Variants in SH3PXD2A observed in about 807,000 individuals in gnomAD.
SH3PXD2A encodes SH3 and PX domains 2A, also known as SH3 and PX domain-containing protein 2A.
Under a neutral mutation model 115.2 loss-of-function variants are expected in SH3PXD2A, and 32 were observed. The observed-to-expected ratio is 0.28, with a 90% confidence interval of 0.21 to 0.37. The LOEUF (loss-of-function observed/expected upper bound fraction) is 0.37, where lower values mean the gene tolerates loss of function less well. SH3PXD2A is among the 10% of genes least tolerant of loss of function. The pLI is 1.00. For synonymous variants in SH3PXD2A, 610 were observed against 629.1 expected (o/e 0.97, Z 0.45); for missense variants, 1,328 against 1,498.7 (o/e 0.89, Z 1.88).
At chr10:103,792,522 T>G (rs1337057528) in intron 2 of SH3PXD2A, among the ~76,000 whole-genome samples, 3 of 152,224 alleles carry the variant, frequency 2.0e-5, no homozygotes, top group Non-Finnish European at 4.4e-5. Flanking sequence ...AGGGCTTTCT[T>G]TATATGGACT....
At chr10:103,657,962 G>C (rs79825410) in intron 8 of SH3PXD2A, among the ~76,000 whole-genome samples, 4,591 of 152,348 alleles carry the variant, frequency 0.03, 79 homozygotes, top group South Asian at 0.044. Context: ...CCTCTGTTGA[G>C]GGGAGAGATC....
In SH3PXD2A at chr10:103,602,485, T is replaced by C. The variant is rs1418685027; in HGVS notation, c.2733A>G (p.Thr911=). Residue 911 remains threonine (T), a synonymous_variant, in exon 15 of 15, where the codon ACA becomes ACG. Coordinates refer to ENST00000369774, the MANE Select transcript of SH3PXD2A (RefSeq NM_001394015.1). The part of the protein sequence containing the change: ...QPDPSGKELD[T]VPAKGRQNEG... Reference sequence around the variant, plus strand: ...CGTTCTGCCTGCCCTTGGCGGGCACTGTGTCCAGCTCTTTGCCAGAGGGGT... The same window carrying C: ...CGTTCTGCCTGCCCTTGGCGGGCACCGTGTCCAGCTCTTTGCCAGAGGGGT... 11 of 1,614,182 alleles carry C rather than the reference T, an allele frequency of 6.8e-6. No homozygotes were observed. The highest frequency in any genetic ancestry group is 1.1e-5 in the South Asian group (1 of 91,088).
At chr10:103,810,358 A>G (rs1226034341) in intron 1 of SH3PXD2A, among the ~76,000 whole-genome samples, 1 of 152,232 alleles carries the variant, frequency 6.6e-6, no homozygotes, top group African/African-American at 2.4e-5. Context: ...AGGCCCTCAC[A>G]GCCCAGCAGG....
chr10:103,730,376 G>A (rs1356227623), intron 4 of SH3PXD2A, among the ~76,000 whole-genome samples: 4 of 152,020 alleles, frequency 2.6e-5, no homozygotes, highest in African/African-American at 9.6e-5. Context: ...TGGCACAAGG[G>A]GGCTGGCATC....
intron 5 of SH3PXD2A, among the ~76,000 whole-genome samples, chr10:103,696,655 A>G (rs2037828508): frequency 6.6e-6 from 1 of 152,116 alleles, no homozygotes; most frequent in African/African-American, 2.4e-5. Flanking sequence ...TCGGCCAGGG[A>G]GCCACAGGAA....
chr10:103,725,263 G>A (rs959720527), intron 4 of SH3PXD2A, among the ~76,000 whole-genome samples: 3 of 152,226 alleles, frequency 2.0e-5, no homozygotes, highest in Admixed American at 2.0e-4. Flanking sequence ...GGCCATAGGA[G>A]GTGGGCAGGG....
intron 8 of SH3PXD2A, among the ~76,000 whole-genome samples, chr10:103,640,331 AAAAAG>A (rs1038843644): frequency 1.7e-4 from 26 of 152,040 alleles, no homozygotes; most frequent in Admixed American, 4.6e-4. Flanking sequence ...TTAAAAAAAA[AAAAAG>A]AAAGAGCTAA....
At chr10:103,646,448 A>T (rs2134011659) in intron 8 of SH3PXD2A, among the ~76,000 whole-genome samples, 1 of 152,318 alleles carries the variant, frequency 6.6e-6, no homozygotes, top group East Asian at 1.9e-4. Flanking sequence ...CGCCACAGTT[A>T]CAGTGACTGG....
At chr10:103,628,968 C>T (rs1349591029) in intron 8 of SH3PXD2A, among the ~76,000 whole-genome samples, 1 of 152,218 alleles carries the variant, frequency 6.6e-6, no homozygotes, top group Non-Finnish European at 1.5e-5. Flanking sequence ...GTGAATGAGA[C>T]ACTGTGGCAC....
chr10:103,771,840 T>A (rs1012198212), intron 2 of SH3PXD2A, among the ~76,000 whole-genome samples: 1 of 151,420 alleles, frequency 6.6e-6, no homozygotes, highest in Non-Finnish European at 1.5e-5. Flanking sequence ...ACCTTCAACA[T>A]GCATCTGCAG....
intron 8 of SH3PXD2A, among the ~76,000 whole-genome samples, chr10:103,657,863 C>A (rs1442437718): frequency 6.6e-6 from 1 of 152,228 alleles, no homozygotes; most frequent in Non-Finnish European, 1.5e-5. Flanking sequence ...TCTCACCCAG[C>A]CTGCATCTCG....
intron 8 of SH3PXD2A, among the ~76,000 whole-genome samples, chr10:103,648,541 A>C (rs1224930676): frequency 6.6e-6 from 1 of 152,196 alleles, no homozygotes; most frequent in East Asian, 1.9e-4. Flanking sequence ...GCTCACTTGG[A>C]TAATCTTGTC....
At position 103,661,111 on chromosome 10, in the gene SH3PXD2A, G is replaced by C; in HGVS notation, c.476C>G (p.Ala159Gly). ...AESPKKDVTGADATAEPMILE... is the reference protein window; with the variant it reads ...AESPKKDVTGGDATAEPMILE... Reference sequence around the variant, plus strand: ...GATCATGGGCTCGGCGGTGGCGTCGGCACCTGGCGAGGGCAGAAAGCACGC... The same window carrying C: ...GATCATGGGCTCGGCGGTGGCGTCGCCACCTGGCGAGGGCAGAAAGCACGC... The change falls in exon 8 of 15, where the codon GCC becomes GGC. Residue 159 changes from alanine (A) to glycine (G), a missense_variant. Coordinates refer to ENST00000369774, the MANE Select transcript of SH3PXD2A (RefSeq NM_001394015.1). 1 of 1,612,818 alleles carries C rather than the reference G, an allele frequency of 6.2e-7. No individual in the cohort carries two copies. The highest frequency in any genetic ancestry group is 8.5e-7 in the Non-Finnish European group (1 of 1,179,372).
rs572177778 is a variant in SH3PXD2A, at chr10:103,730,030, G to A, written c.307-5669C>T. 1.6e-3 allele frequency among the ~76,000 whole-genome samples: 242 copies of A among 152,320 alleles called. 2 individuals are homozygous for A. The highest frequency in any genetic ancestry group is 0.015 in the South Asian group (73 of 4,830). ...AGTGTGGTCTTTGCACATGCAAGTGGCACAGGAGGGGGCCCCGGCAGACTG... is the reference window on the plus strand; with the variant it reads ...AGTGTGGTCTTTGCACATGCAAGTGACACAGGAGGGGGCCCCGGCAGACTG... On this transcript the variant is annotated intron_variant, in intron 4 of 14. Coordinates refer to ENST00000369774, the MANE Select transcript of SH3PXD2A (RefSeq NM_001394015.1).
intron 1 of SH3PXD2A, among the ~76,000 whole-genome samples, chr10:103,850,419 G>A (rs948352890): frequency 4.6e-5 from 7 of 152,088 alleles, no homozygotes; most frequent in East Asian, 1.9e-4. Flanking sequence ...ATCACCCCTC[G>A]ATCACTTCCC....
At chr10:103,732,950 C>A (rs1230817760) in intron 4 of SH3PXD2A, among the ~76,000 whole-genome samples, 1 of 152,132 alleles carries the variant, frequency 6.6e-6, no homozygotes, top group African/African-American at 2.4e-5. Flanking sequence ...GTGGCAGTGG[C>A]CATGGACTTG....
At chr10:103,736,155 G>A (rs1174438906) in intron 3 of SH3PXD2A, among the ~76,000 whole-genome samples, 1 of 152,340 alleles carries the variant, frequency 6.6e-6, no homozygotes, top group South Asian at 2.1e-4. Context: ...ACACAAAGTA[G>A]AGCCCAGCCC....
At chr10:103,682,710 T>C (rs2037626419) in intron 6 of SH3PXD2A, among the ~76,000 whole-genome samples, 1 of 150,684 alleles carries the variant, frequency 6.6e-6, no homozygotes, top group African/African-American at 2.4e-5. Flanking sequence ...TGAGCCGAGA[T>C]CGTGCCATTG....
At chr10:103,823,136 G>T (rs931110316) in intron 1 of SH3PXD2A, among the ~76,000 whole-genome samples, 8 of 152,206 alleles carry the variant, frequency 5.3e-5, no homozygotes, top group Non-Finnish European at 1.0e-4. Flanking sequence ...TATGTTCAAA[G>T]ATGTTTTTGG....
Sources: allele counts gnomAD v4.1 joint callset (sites outside exome capture counted in the v4.1 genomes callset), GRCh38; gene constraint gnomAD v4.1.1; transcripts MANE v1.5; gene names NCBI Gene and HGNC (gene_info 2026-07-23, HGNC 2026-07-21).